The following LINGO2 variants were observed in gnomAD, a reference collection of about 807,000 sequenced individuals.
The protein encoded by LINGO2 is leucine-rich repeat and immunoglobulin-like domain-containing nogo receptor-interacting protein 2.
LINGO2 carries 14 observed loss-of-function variants against 30.6 expected under a neutral mutation model. That is an observed-to-expected ratio of 0.46 (90% CI 0.30 to 0.72). The LOEUF is 0.72. Ranked by LOEUF, LINGO2 falls within the 30% of genes least tolerant of loss-of-function variation. The probability of loss-of-function intolerance (pLI) is 0.07; values close to 1 mark genes in which losing one functional copy is unlikely to be tolerated. For synonymous variants in LINGO2, 317 were observed against 288.5 expected, an observed-to-expected ratio of 1.10 and a Z score of -1.00; for missense variants, 729 against 751.7, an observed-to-expected ratio of 0.97 and a Z score of 0.35.
the LINGO2 span, among the ~76,000 whole-genome samples, chr9:28,716,026 G>A: frequency 4.0e-5 from 6 of 151,780 alleles, no homozygotes; most frequent in African/African-American, 1.2e-4. Flanking sequence ...TACAGGCATC[G>A]TACAAGATAA....
At chr9:28,784,761 G>C in the LINGO2 span, among the ~76,000 whole-genome samples, 1 of 152,066 alleles carries the variant, frequency 6.6e-6, no homozygotes, top group Non-Finnish European at 1.5e-5. Context: ...AGACCATCCT[G>C]GCCAACATGG....
the LINGO2 span, among the ~76,000 whole-genome samples, chr9:28,849,743 T>C: frequency 1.3e-5 from 2 of 152,012 alleles, no homozygotes; most frequent in Non-Finnish European, 2.9e-5. Flanking sequence ...TCTTCCTTTA[T>C]TTAACTACCC....
chr9:28,948,110 C>A, the LINGO2 span, among the ~76,000 whole-genome samples: 2 of 152,066 alleles, frequency 1.3e-5, no homozygotes, highest in Non-Finnish European at 2.9e-5. Flanking sequence ...TCAGGTAATG[C>A]ATTTTATTAT....
rs182729162 is a variant in LINGO2 at position 28,286,382 on chromosome 9, G to A, written c.-87+8826C>T. On this transcript the variant is annotated intron_variant, in intron 4 of 5. Coordinates refer to ENST00000379992, the Ensembl canonical transcript of LINGO2. ...AGAGGAAGTTTAAATTCGTTCAGCC[G>A]TTGTGGAAGACAGTATGGAAATTTC... Among the ~76,000 whole-genome samples, 336 of 152,254 alleles carry A rather than the reference G, an allele frequency of 2.2e-3. 11 individuals carry two copies. The highest frequency in any genetic ancestry group is 0.021 in the Admixed American group (314 of 15,288).
chr9:29,185,294 AG>A, the LINGO2 span, among the ~76,000 whole-genome samples: 1 of 152,168 alleles, frequency 6.6e-6, no homozygotes, highest in African/African-American at 2.4e-5. Context: ...TATGGAACAA[AG>A]TAAGTCTCAA....
chr9:28,299,257 T>G (rs1170095131), intron 3 of LINGO2, among the ~76,000 whole-genome samples: 1 of 152,178 alleles, frequency 6.6e-6, no homozygotes, highest in African/African-American at 2.4e-5. Flanking sequence ...GGAAGCTTTG[T>G]GTCTAAGTCA....
chr9:28,587,486 TCA>T (rs1824614213), intron 1 of LINGO2, among the ~76,000 whole-genome samples: 1 of 151,916 alleles, frequency 6.6e-6, no homozygotes, highest in African/African-American at 2.4e-5. Flanking sequence ...CCGGAGAATC[TCA>T]GATAGGCTGG....
intron 4 of LINGO2, among the ~76,000 whole-genome samples, chr9:28,199,296 T>G (rs1199032634): frequency 6.6e-6 from 1 of 151,764 alleles, no homozygotes; most frequent in African/African-American, 2.4e-5. Flanking sequence ...TCTAATGTAC[T>G]CATAAAGTTG....
At chr9:28,449,389 T>TA (rs75716816) in intron 2 of LINGO2, among the ~76,000 whole-genome samples, 246 of 151,726 alleles carry the variant, frequency 1.6e-3, no homozygotes, top group African/African-American at 5.5e-3. Flanking sequence ...TTCTTTTTTT[T>TA]AAAAAAAGTG....
chr9:28,760,007 T>G, the LINGO2 span, among the ~76,000 whole-genome samples: 1 of 152,032 alleles, frequency 6.6e-6, no homozygotes, highest in African/African-American at 2.4e-5. Flanking sequence ...TACAAATCAA[T>G]AAGTCAGACT....
intron 3 of LINGO2, among the ~76,000 whole-genome samples, chr9:28,344,087 AG>A (rs747101891): frequency 1.3e-5 from 2 of 152,178 alleles, no homozygotes; most frequent in Admixed American, 6.6e-5. Flanking sequence ...TATCAACAAA[AG>A]TTTATGATAA....
chr9:27,995,538 C>T (rs1178608144), intron 5 of LINGO2, among the ~76,000 whole-genome samples: 1 of 152,088 alleles, frequency 6.6e-6, no homozygotes, highest in African/African-American at 2.4e-5. Context: ...TCTCTATCAT[C>T]AGGTGGGATT....
chr9:29,031,794 T>A, the LINGO2 span, among the ~76,000 whole-genome samples: 1 of 152,162 alleles, frequency 6.6e-6, no homozygotes, highest in Non-Finnish European at 1.5e-5. Flanking sequence ...TAAACCACTG[T>A]GTCATTGTTT....
chr9:28,766,891 A>G, the LINGO2 span, among the ~76,000 whole-genome samples: 1 of 152,252 alleles, frequency 6.6e-6, no homozygotes, highest in South Asian at 2.1e-4. Flanking sequence ...TTGTGACAAC[A>G]CAGATGAACA....
intron 5 of LINGO2, among the ~76,000 whole-genome samples, chr9:27,957,756 T>C (rs116835907): frequency 0.019 from 2,906 of 152,340 alleles, 84 homozygotes; most frequent in African/African-American, 0.065. Flanking sequence ...TTCTGTGATA[T>C]TGACAAAAAA....
the LINGO2 span, among the ~76,000 whole-genome samples, chr9:28,683,347 C>T: frequency 6.6e-6 from 1 of 151,996 alleles, no homozygotes; most frequent in Non-Finnish European, 1.5e-5. Flanking sequence ...AACTCCATAC[C>T]AATATCTACA....
chr9:29,065,510 T>C, the LINGO2 span, among the ~76,000 whole-genome samples: 1 of 152,132 alleles, frequency 6.6e-6, no homozygotes, highest in Non-Finnish European at 1.5e-5. Context: ...CTCAGCACCA[T>C]TTATTGAATA....
chr9:28,092,325 A>G (rs1826116112), intron 4 of LINGO2, among the ~76,000 whole-genome samples: 1 of 152,148 alleles, frequency 6.6e-6, no homozygotes, highest in South Asian at 2.1e-4. Context: ...GACTGGATTA[A>G]GAAAATGTGG....
chr9:28,497,996 G>A lies in LINGO2; in HGVS notation c.-364-21971C>T, dbSNP rs148443696. Among the ~76,000 whole-genome samples the A allele has an allele frequency of 2.4e-3, 368 of 152,272 alleles. 1 individual carries two copies. The highest frequency in any genetic ancestry group is 8.6e-3 in the African/African-American group (359 of 41,548). On this transcript the variant is annotated intron_variant, in intron 1 of 5. Transcript: ENST00000379992. Reference sequence around the variant, plus strand: ...GTAATACTGCTGAATAGCAAATGTTGCTGCCTGATCGTTCCTCTGGAAGCT... The same window carrying A: ...GTAATACTGCTGAATAGCAAATGTTACTGCCTGATCGTTCCTCTGGAAGCT...
Sources: allele counts gnomAD v4.1 joint callset (sites outside exome capture counted in the v4.1 genomes callset), GRCh38; gene constraint gnomAD v4.1.1; transcripts MANE v1.5; gene names NCBI Gene and HGNC (gene_info 2026-07-23, HGNC 2026-07-21).